PTPRK: variants seen among roughly 807,000 people sequenced by gnomAD.
The protein encoded by PTPRK is receptor-type tyrosine-protein phosphatase kappa.
A neutral mutation model predicts 178.0 loss-of-function variants in PTPRK; 75 were observed. That is an observed-to-expected ratio of 0.42 (90% confidence interval 0.35 to 0.51). The LOEUF is 0.51. PTPRK is among the 20% of genes least tolerant of loss of function. PTPRK has a pLI of 0.02. For synonymous variants in PTPRK, 637 were observed against 620.6 expected, an observed-to-expected ratio of 1.03 and a Z score of -0.39; for missense variants, 1,441 against 1,797.8, an observed-to-expected ratio of 0.80 and a Z score of 3.59.
intron 1 of PTPRK, among the ~76,000 whole-genome samples, chr6:128,412,081 C>A (rs1272215785): frequency 6.6e-6 from 1 of 152,106 alleles, no homozygotes; most frequent in African/African-American, 2.4e-5. Flanking sequence ...AATTCTAAAA[C>A]AATATTAGTA....
chr6:128,476,376 TTTTA>T (rs1177062815), intron 1 of PTPRK, among the ~76,000 whole-genome samples: 2 of 152,118 alleles, frequency 1.3e-5, no homozygotes, highest in Non-Finnish European at 2.9e-5. Context: ...GAATATATAC[TTTTA>T]TTTGTTGTTG....
intron 14 of PTPRK, among the ~76,000 whole-genome samples, chr6:128,008,758 A>G (rs1778718851): frequency 6.6e-6 from 1 of 151,150 alleles, no homozygotes; most frequent in African/African-American, 2.4e-5. Context: ...ACAGAAAAAG[A>G]GCACAAAATA....
intron 1 of PTPRK, among the ~76,000 whole-genome samples, chr6:128,506,474 G>T (rs1856359307): frequency 6.6e-6 from 1 of 151,514 alleles, no homozygotes; most frequent in African/African-American, 2.4e-5. Flanking sequence ...TTTTATACAT[G>T]GCAAGACCCT....
chr6:128,297,319 G>A (rs1176682557), intron 3 of PTPRK, among the ~76,000 whole-genome samples: 1 of 152,140 alleles, frequency 6.6e-6, no homozygotes, highest in African/African-American at 2.4e-5. Context: ...AGATCAATGA[G>A]ACGGAAAGTT....
rs376369724 is a variant in PTPRK at position 128,022,550 on chromosome 6, C to T, written c.2195-13282G>A. ...ATTCCTAAAAGCCAGTTTCTATGCA[C>T]CTCACTCCAAATGAGTCCAACTACT... On this transcript the variant is annotated intron_variant, in intron 13 of 29. Transcript: ENST00000368226. Among the ~76,000 whole-genome samples, 5 of 152,164 alleles carry T rather than the reference C, an allele frequency of 3.3e-5. No individual in the cohort carries two copies. The South Asian group carries it at 6.2e-4, about 19-fold the overall frequency.
At chr6:128,145,728 C>T (rs114667774) in intron 7 of PTPRK, among the ~76,000 whole-genome samples, 3,427 of 152,022 alleles carry the variant, frequency 0.023, 104 homozygotes, top group African/African-American at 0.048. Flanking sequence ...TATATTTATG[C>T]CTTGAATATT....
rs564690532 is a variant in PTPRK, at chr6:128,068,122, T to C, written c.1884-330A>G. Among the ~76,000 whole-genome samples the C allele has an allele frequency of 3.9e-4, 59 of 152,294 alleles. No individual in the cohort carries two copies. The South Asian group carries it at 4.4e-3, about 11-fold the overall frequency. On this transcript the variant is annotated intron_variant, in intron 11 of 29. Coordinates refer to ENST00000368226, the MANE Select transcript of PTPRK (RefSeq NM_002844.4). ...AACCAAAGACACATCATAGATTCAG[T>C]TCTTTGTCTGATATTTTTAAATGTT...
chr6:128,517,332 G>A (rs551455244), intron 1 of PTPRK, among the ~76,000 whole-genome samples: 69 of 152,260 alleles, frequency 4.5e-4, no homozygotes, highest in African/African-American at 1.6e-3. Flanking sequence ...GGAGAAAGCT[G>A]AGTTTCCAAG....
chr6:128,383,275 T>C (rs1055790027), intron 2 of PTPRK, among the ~76,000 whole-genome samples: 1 of 152,034 alleles, frequency 6.6e-6, no homozygotes, highest in African/African-American at 2.4e-5. Context: ...AATCTTCCAA[T>C]ACTGGGGCAA....
intron 13 of PTPRK, among the ~76,000 whole-genome samples, chr6:128,010,141 G>A (rs1400552388): frequency 6.6e-6 from 1 of 151,266 alleles, no homozygotes; most frequent in African/African-American, 2.4e-5. Flanking sequence ...GATAAGGATA[G>A]TTTATAAATT....
chr6:128,322,413 A>G lies in PTPRK; in HGVS notation c.224-103T>C, dbSNP rs553157617. ...CCATTCTGAGCATTAAATTTAAGTT[A>G]AAAAGACTGTTTTCCAGAACACAGC... On this transcript the variant is annotated intron_variant, in intron 2 of 29. Coordinates refer to ENST00000368226, the MANE Select transcript of PTPRK (RefSeq NM_002844.4). 2.5e-6 allele frequency: 3 copies of G among 1,181,154 alleles called. No individual in the cohort carries two copies. In the African/African-American group the frequency reaches 4.6e-5, roughly 18 times the overall value. 73.2% of individuals were successfully genotyped at this position (1,181,154 alleles called of 1,614,324 possible).
Position 128,458,412 on chromosome 6 carries a change from C to T in PTPRK, c.101-60724G>A, listed in dbSNP as rs1297001301. Reference sequence around the variant, plus strand: ...AGATATGAGTATGCAGTCATAAATACAGAATATATGGAAGATAACTCTACA... The same window carrying T: ...AGATATGAGTATGCAGTCATAAATATAGAATATATGGAAGATAACTCTACA... On this transcript the variant is annotated intron_variant, in intron 1 of 29. Transcript: ENST00000368226. Among the ~76,000 whole-genome samples, 5 of 152,092 alleles carry T rather than the reference C, an allele frequency of 3.3e-5. No individual in the cohort carries two copies. The East Asian group carries it at 5.8e-4, about 18-fold the overall frequency.
At chr6:128,098,490 G>T (rs886744281) in intron 7 of PTPRK, among the ~76,000 whole-genome samples, 1 of 152,050 alleles carries the variant, frequency 6.6e-6, no homozygotes, top group African/African-American at 2.4e-5. Context: ...AGTCGTACCA[G>T]CAGAAGCCAA....
chr6:128,003,249 C>T (rs1778043336), intron 15 of PTPRK: 2 of 1,598,846 alleles, frequency 1.3e-6, no homozygotes, highest in Non-Finnish European at 8.5e-7. Flanking sequence ...GAAAACAAAG[C>T]TCATGAAGGA....
intron 1 of PTPRK, among the ~76,000 whole-genome samples, chr6:128,461,461 G>C (rs183605655): frequency 2.0e-5 from 3 of 152,058 alleles, no homozygotes; most frequent in Non-Finnish European, 4.4e-5. Context: ...GCTTACAAAA[G>C]TTCCAGCACA....
chr6:128,203,330 G>A (rs1277693499), intron 6 of PTPRK, among the ~76,000 whole-genome samples: 3 of 152,090 alleles, frequency 2.0e-5, no homozygotes, highest in East Asian at 3.9e-4. Flanking sequence ...CATGCTGATT[G>A]GGCAAAAGCT....
chr6:128,229,302 G>A (rs1218234786), intron 5 of PTPRK, among the ~76,000 whole-genome samples: 1 of 152,136 alleles, frequency 6.6e-6, no homozygotes, highest in Non-Finnish European at 1.5e-5. Context: ...CCTTCCTTAT[G>A]TCACTGACAA....
intron 13 of PTPRK, among the ~76,000 whole-genome samples, chr6:128,042,665 G>A (rs1167478191): frequency 6.6e-6 from 1 of 152,006 alleles, no homozygotes; most frequent in African/African-American, 2.4e-5. Flanking sequence ...AATCACAACT[G>A]CAAATTCTCT....
chr6:128,300,907 G>C (rs867810513), intron 3 of PTPRK, among the ~76,000 whole-genome samples: 1 of 151,860 alleles, frequency 6.6e-6, no homozygotes, highest in East Asian at 1.9e-4. Context: ...TTACCTCCCA[G>C]ATTTCAACAT....
Sources: allele counts gnomAD v4.1 joint callset (sites outside exome capture counted in the v4.1 genomes callset), GRCh38; gene constraint gnomAD v4.1.1; transcripts MANE v1.5; gene names NCBI Gene and HGNC (gene_info 2026-07-23, HGNC 2026-07-21).